Variants in TENT4B observed in about 807,000 individuals in gnomAD.
TENT4B encodes terminal nucleotidyltransferase 4B.
A neutral mutation model predicts 75.0 loss-of-function variants in TENT4B; 10 were observed. That is an observed-to-expected ratio of 0.13 (90% CI 0.08 to 0.23). TENT4B has a LOEUF of 0.23. Ranked by LOEUF, TENT4B falls within the 10% of genes least tolerant of loss-of-function variation. The pLI, the probability that TENT4B is intolerant of heterozygous loss-of-function variation, is 1.00. For synonymous variants in TENT4B, 350 were observed against 357.7 expected, an observed-to-expected ratio of 0.98 and a Z score of 0.24; for missense variants, 579 against 893.8, an observed-to-expected ratio of 0.65 and a Z score of 4.49.
At chr16:50,163,317 C>G (rs2038035499) in intron 1 of TENT4B, among the ~76,000 whole-genome samples, 1 of 151,602 alleles carries the variant, frequency 6.6e-6, no homozygotes, top group East Asian at 1.9e-4. Context: ...TCACCCTTTA[C>G]TTTCTTGTTT....
At chr16:50,216,305 A>G in intron 4 of TENT4B, 110 bp downstream of exon 4, 7 of 1,356,980 alleles carry the variant, frequency 5.2e-6, no homozygotes, top group African/African-American at 1.5e-5. Flanking sequence ...TGATTCTTTC[A>G]TTTTGTTAAT....
rs1023664305 is a variant in TENT4B at position 50,153,315 on chromosome 16, AGCC to A, written c.-288_-286del. On this transcript the variant is annotated 5_prime_UTR_variant, in exon 1 of 12. Coordinates refer to ENST00000561678, the MANE Select transcript of TENT4B (RefSeq NM_001365324.3). ...GCCGCCGCCGCTCGCTCTTCTGTGG[AGCC>A]GCCGCCGCCGCCGCCGCCATTTGCA... is the stretch of plus-strand genomic sequence containing the variant. 1.5e-5 allele frequency among the ~76,000 whole-genome samples: 2 copies of A among 135,920 alleles called. No individual in the cohort carries two copies. 89.2% of individuals were successfully genotyped at this position (135,920 alleles called of 152,430 possible).
chr16:50,154,065 C>T lies in TENT4B; in HGVS notation c.444C>T (p.Ala148=). Residue 148 remains alanine, a synonymous_variant, in exon 1 of 12, where the codon GCC becomes GCT. Coordinates refer to ENST00000561678, the MANE Select transcript of TENT4B (RefSeq NM_001365324.3). ...SPHPSAAVPA[A]DPADSASGSS... is the part of the protein sequence containing the mutation. ...ACCCTTCGGCCGCCGTCCCCGCCGC[C>T]GATCCAGCCGATTCGGCCTCGGGCA... 1.3e-6 allele frequency: 2 copies of T among 1,531,704 alleles called. No homozygotes were observed. The highest frequency in any genetic ancestry group is 1.7e-6 in the Non-Finnish European group (2 of 1,145,160). The allele number at this position is 1,531,704 out of a possible 1,614,324, so 94.9% of individuals were successfully genotyped here.
intron 1 of TENT4B, 130 bp from the exon 2 acceptor site, chr16:50,211,193 T>G: frequency 1.0e-6 from 1 of 972,336 alleles, no homozygotes; most frequent in Non-Finnish European, 1.4e-6. Flanking sequence ...TAGCTTATCT[T>G]GAGTTATAAC....
At chr16:50,160,619 G>A (rs187205580) in intron 1 of TENT4B, among the ~76,000 whole-genome samples, 15 of 152,328 alleles carry the variant, frequency 9.8e-5, no homozygotes, top group East Asian at 3.9e-4. Context: ...TAAGGGCTCC[G>A]TTGGTGATAC....
intron 1 of TENT4B, among the ~76,000 whole-genome samples, chr16:50,205,554 A>G (rs1384478974): frequency 5.8e-5 from 6 of 103,120 alleles, no homozygotes; most frequent in African/African-American, 1.7e-4. Flanking sequence ...ATGTGTTTAC[A>G]TGTCTTTTTT....
At chr16:50,168,531 C>G (rs991253300) in intron 1 of TENT4B, among the ~76,000 whole-genome samples, 1 of 147,880 alleles carries the variant, frequency 6.8e-6, no homozygotes, top group Non-Finnish European at 1.5e-5. Context: ...CCAGACTGGT[C>G]TCAAACTCCT....
chr16:50,171,496 T>C (rs865989370), intron 1 of TENT4B, among the ~76,000 whole-genome samples: 40 of 152,316 alleles, frequency 2.6e-4, no homozygotes, highest in African/African-American at 7.9e-4. Context: ...ATGAGGGGGC[T>C]ATTTCGTCCT....
rs1464053167 is a variant in TENT4B, at chr16:50,225,148, A to G, written c.1663A>G (p.Asn555Asp). Residue 555 changes from asparagine (N) to aspartate (D), a missense_variant, in exon 10 of 12, where the codon AAT (asparagine) becomes GAT (aspartate). Asn to Asp is a conservative substitution (Grantham distance 23, BLOSUM62 1). Transcript: ENST00000561678. ...VDTQQLDKCNNNLSEENEALG... is the reference protein window; with the variant it reads ...VDTQQLDKCNDNLSEENEALG... ...TACTCAGCAGTTAGATAAATGTAAT[A>G]ATAATCTATCTGAAGAAAATGAAGC... 6.2e-7 allele frequency: 1 copy of G among 1,613,270 alleles called. No individual in the cohort carries two copies. The highest frequency in any genetic ancestry group is 8.5e-7 in the Non-Finnish European group (1 of 1,179,354).
intron 1 of TENT4B, among the ~76,000 whole-genome samples, chr16:50,188,591 A>G (rs539525743): frequency 1.1e-3 from 164 of 152,370 alleles, no homozygotes; most frequent in African/African-American, 3.7e-3. Flanking sequence ...TAGAGAATGT[A>G]TAGACCTTGA....
At chr16:50,195,394 C>G (rs751394099) in intron 1 of TENT4B, among the ~76,000 whole-genome samples, 20 of 152,140 alleles carry the variant, frequency 1.3e-4, no homozygotes, top group East Asian at 3.9e-4. Flanking sequence ...TCCTTTGGCT[C>G]TCAGTGAGTT....
Position 50,153,352 on chromosome 16 carries a change from C to T in TENT4B, c.-270C>T, listed in dbSNP as rs1361278149. 6.9e-6 allele frequency among the ~76,000 whole-genome samples: 1 copy of T among 143,920 alleles called. No homozygotes were observed. Among genetic ancestry groups the T allele is most frequent in the Non-Finnish European group, 1.5e-5 (1 of 64,978 alleles). 94.4% of individuals were successfully genotyped at this position (143,920 alleles called of 152,430 possible). On this transcript the variant is annotated 5_prime_UTR_variant, in exon 1 of 12. Coordinates refer to ENST00000561678, the MANE Select transcript of TENT4B (RefSeq NM_001365324.3). ...CGCCGCCGCCATTTGCACGGGGACC[C>T]CAGTGACAGGGGCTCGGCGGAGGGG...
At chr16:50,223,423 A>G in intron 7 of TENT4B, 36 bp downstream of exon 7, 1 of 1,429,278 alleles carries the variant, frequency 7.0e-7, no homozygotes, top group Non-Finnish European at 9.6e-7. Context: ...GCATTCAAAG[A>G]GAGGGCACTG....
At chr16:50,229,078 C>A in intron 11 of TENT4B, 74 bp from the exon 12 acceptor site, 1 of 1,570,096 alleles carries the variant, frequency 6.4e-7, no homozygotes, top group South Asian at 1.2e-5. Flanking sequence ...AAAGCTTCCC[C>A]AAATCCAGGT....
intron 1 of TENT4B, among the ~76,000 whole-genome samples, chr16:50,209,055 C>T (rs766063509): frequency 3.3e-5 from 5 of 152,128 alleles, no homozygotes; most frequent in Non-Finnish European, 7.4e-5. Context: ...TAATAAGTTT[C>T]TTATGACTTC....
intron 1 of TENT4B, among the ~76,000 whole-genome samples, chr16:50,157,620 A>G (rs1441443596): frequency 6.6e-6 from 1 of 152,166 alleles, no homozygotes; most frequent in Non-Finnish European, 1.5e-5. Flanking sequence ...TTATGGAGAC[A>G]GGGTCTCGCT....
At chr16:50,209,781 CT>C (rs2031182072) in intron 1 of TENT4B, among the ~76,000 whole-genome samples, 1 of 152,190 alleles carries the variant, frequency 6.6e-6, no homozygotes, top group South Asian at 2.1e-4. Context: ...GTTTTTGACT[CT>C]TAGGCTAAAA....
chr16:50,224,969 G>T lies in TENT4B; in HGVS notation c.1587G>T (p.Lys529Asn). ...GGATATCAAAGCAGTGGGGCTTGAA[G>T]AATAGACCTGAGCCTTCATGCAATG... ...RDWISKQWGLKNRPEPSCNGN... is the reference protein window; with the variant it reads ...RDWISKQWGLNNRPEPSCNGN... Residue 529 changes from lysine (K) to asparagine (N), a missense_variant, in exon 9 of 12, where the codon AAG becomes AAT. Lys to Asn is a moderately conservative substitution (Grantham distance 94). Transcript: ENST00000561678. 6.2e-7 allele frequency: 1 copy of T among 1,613,824 alleles called. No homozygotes were observed. The highest frequency in any genetic ancestry group is 1.1e-5 in the South Asian group (1 of 91,082).
chr16:50,184,067 C>G (rs1018291069), intron 1 of TENT4B, among the ~76,000 whole-genome samples: 7 of 152,176 alleles, frequency 4.6e-5, no homozygotes, highest in Non-Finnish European at 1.0e-4. Context: ...CCCCTAACCT[C>G]CCAGCACTAG....
Sources: gnomAD v4.1 joint callset for allele counts (sites outside exome capture counted in the v4.1 genomes callset) on GRCh38, gnomAD v4.1.1 for gene constraint, MANE v1.5 for transcripts, NCBI Gene and HGNC (gene_info 2026-07-23, HGNC 2026-07-21) for gene names.